The following CDH12 variants were observed in gnomAD, a reference collection of about 807,000 sequenced individuals.
CDH12 encodes the protein cadherin 12.
CDH12 carries 41 observed loss-of-function variants against 74.1 expected under a neutral mutation model. The ratio of observed to expected loss-of-function variants is 0.55; its 90% confidence interval spans 0.43 to 0.72. CDH12 has a LOEUF of 0.72. Among genes scored for constraint, CDH12 ranks in the 30% least tolerant of loss-of-function variants. The pLI, the probability that CDH12 is intolerant of heterozygous loss-of-function variation, is 0.00. For missense variants in CDH12, 945 were observed against 977.2 expected (o/e 0.97, Z 0.44); for synonymous variants, 399 against 355.0 (o/e 1.12, Z -1.39).
chr5:21,877,371 T>G (rs1397028744), intron 6 of CDH12, among the ~76,000 whole-genome samples: 1 of 152,210 alleles, frequency 6.6e-6, no homozygotes, highest in Non-Finnish European at 1.5e-5. Flanking sequence ...CACAAGTCTG[T>G]AAGTTAACAT....
chr5:22,159,758 T>A (rs1050783794), intron 4 of CDH12, among the ~76,000 whole-genome samples: 9 of 152,120 alleles, frequency 5.9e-5, no homozygotes, highest in Non-Finnish European at 1.3e-4. Context: ...ACTGGATGAG[T>A]TTAAATATAC....
rs191431855 is a variant in CDH12, at chr5:22,359,115, A to T, written c.-333+46142T>A. On this transcript the variant is annotated intron_variant, in intron 3 of 14. Coordinates refer to ENST00000382254, the MANE Select transcript of CDH12 (RefSeq NM_004061.5). ...AAATGTAAATGGGCTAAATGCTCCA[A>T]TTAAAAGACACAGACTGGCAAACTG... Among the ~76,000 whole-genome samples the T allele has an allele frequency of 4.5e-3, 680 of 152,274 alleles. 5 individuals carry two copies. The highest frequency in any genetic ancestry group is 0.015 in the African/African-American group (644 of 41,572).
intron 4 of CDH12, among the ~76,000 whole-genome samples, chr5:22,186,683 C>CACCACGT (rs1749969548): frequency 2.0e-5 from 3 of 152,148 alleles, no homozygotes; most frequent in Non-Finnish European, 4.4e-5. Context: ...GTTGGCCAGT[C>CACCACGT]TGGTCTTGAA....
intron 1 of CDH12, among the ~76,000 whole-genome samples, chr5:22,852,011 G>A (rs1737579045): frequency 6.6e-6 from 1 of 152,030 alleles, no homozygotes; most frequent in African/African-American, 2.4e-5. Flanking sequence ...CATTTTTCCT[G>A]TTTTGGTCAT....
chr5:22,109,321 G>T (rs1488316089), intron 4 of CDH12, among the ~76,000 whole-genome samples: 1 of 152,184 alleles, frequency 6.6e-6, no homozygotes, highest in East Asian at 1.9e-4. Flanking sequence ...CAGAGCAAAA[G>T]TCAAGCATGC....
chr5:22,787,770 C>A (rs575970373), intron 1 of CDH12, among the ~76,000 whole-genome samples: 15 of 152,098 alleles, frequency 9.9e-5, no homozygotes, highest in Non-Finnish European at 1.3e-4. Flanking sequence ...CATGCACATA[C>A]GGCTGTTAGC....
chr5:22,236,148 G>A (rs764750183), intron 3 of CDH12, among the ~76,000 whole-genome samples: 3 of 152,196 alleles, frequency 2.0e-5, no homozygotes, highest in African/African-American at 7.2e-5. Flanking sequence ...TGTGAGCAGC[G>A]AATGAATATG....
intron 3 of CDH12, among the ~76,000 whole-genome samples, chr5:22,361,837 C>T (rs973109198): frequency 6.6e-5 from 10 of 152,090 alleles, no homozygotes; most frequent in Admixed American, 6.5e-4. Flanking sequence ...GGAAAGGGTT[C>T]CCTATTTAAT....
intron 4 of CDH12, among the ~76,000 whole-genome samples, chr5:22,117,583 C>CTATT (rs200210819): frequency 0.015 from 1,964 of 132,090 alleles, 41 homozygotes; most frequent in Non-Finnish European, 0.021. Context: ...CTGCCAAGGG[C>CTATT]TATTGGTCCT....
chr5:22,339,628 A>G (rs1200368898), intron 3 of CDH12, among the ~76,000 whole-genome samples: 2 of 152,218 alleles, frequency 1.3e-5, no homozygotes, highest in Non-Finnish European at 2.9e-5. Context: ...GATGAGGTAA[A>G]TAAATGTAAC....
intron 1 of CDH12, among the ~76,000 whole-genome samples, chr5:22,547,345 G>A (rs1444515082): frequency 2.6e-5 from 4 of 152,128 alleles, no homozygotes; most frequent in Admixed American, 6.6e-5. Context: ...CTCTCAAAAA[G>A]CCAGTAACAC....
intron 1 of CDH12, among the ~76,000 whole-genome samples, chr5:22,627,861 C>A (rs929210300): frequency 6.6e-6 from 1 of 151,816 alleles, no homozygotes; most frequent in Non-Finnish European, 1.5e-5. Flanking sequence ...GCAATTGACA[C>A]CCACAGGCTA....
At chr5:22,208,133 T>A (rs1182292828) in intron 4 of CDH12, among the ~76,000 whole-genome samples, 4 of 152,188 alleles carry the variant, frequency 2.6e-5, no homozygotes, top group African/African-American at 9.7e-5. Context: ...CTAGAACACG[T>A]ACAGCCACTA....
chr5:22,428,925 A>C (rs748642906), intron 2 of CDH12, among the ~76,000 whole-genome samples: 12 of 152,258 alleles, frequency 7.9e-5, no homozygotes, highest in Non-Finnish European at 1.6e-4. Context: ...GGCTTTAAAA[A>C]GCTCAGGCCA....
At chr5:21,814,759 ACTT>A (rs1349558858) in intron 9 of CDH12, among the ~76,000 whole-genome samples, 2 of 150,754 alleles carry the variant, frequency 1.3e-5, no homozygotes, top group Admixed American at 1.3e-4. Flanking sequence ...AAATATTATG[ACTT>A]CTTAATTTAA....
At position 22,331,933 on chromosome 5, in the gene CDH12, T is replaced by C. The variant is rs150671701; in HGVS notation, c.-333+73324A>G. Among the ~76,000 whole-genome samples the C allele has an allele frequency of 8.7e-3, 1,320 of 152,138 alleles. 11 individuals are homozygous for C. Among genetic ancestry groups the C allele is most frequent in the Non-Finnish European group, 0.015 (994 of 68,002 alleles). On this transcript the variant is annotated intron_variant, in intron 3 of 14. Coordinates refer to ENST00000382254, the MANE Select transcript of CDH12 (RefSeq NM_004061.5). ...GATCAAGAAGAAATAATTAGTGAGC[T>C]TGGAGACAGGCTATTTGAAAATACA...
At chr5:22,348,770 G>A (rs1227874301) in intron 3 of CDH12, among the ~76,000 whole-genome samples, 1 of 152,160 alleles carries the variant, frequency 6.6e-6, no homozygotes. Context: ...ATATGGATGG[G>A]ATGTCCATAA....
At chr5:22,588,035 C>T (rs1740500640) in intron 1 of CDH12, among the ~76,000 whole-genome samples, 1 of 148,834 alleles carries the variant, frequency 6.7e-6, no homozygotes. Flanking sequence ...TATATATATA[C>T]ACACATATAT....
intron 2 of CDH12, among the ~76,000 whole-genome samples, chr5:22,436,286 G>A (rs1580647896): frequency 5.3e-5 from 1 of 18,956 alleles, no homozygotes; most frequent in Non-Finnish European, 1.6e-4. Context: ...GGGGGAGGGG[G>A]GAGGGGGGAG....
Sources: allele counts gnomAD v4.1 joint callset (sites outside exome capture counted in the v4.1 genomes callset), GRCh38; gene constraint gnomAD v4.1.1; transcripts MANE v1.5; gene names NCBI Gene and HGNC (gene_info 2026-07-23, HGNC 2026-07-21).